ZNF804A: variants seen among roughly 807,000 people sequenced by gnomAD.
ZNF804A encodes the protein zinc finger protein 804A.
In ZNF804A, 2 loss-of-function variants were observed where a neutral mutation model predicts 16.5. That is an observed-to-expected ratio of 0.12 (90% confidence interval 0.05 to 0.38). ZNF804A has a LOEUF of 0.38. Ranked by LOEUF, ZNF804A falls within the 10% of genes least tolerant of loss-of-function variation. ZNF804A has a pLI of 0.99. For missense variants in ZNF804A, 1,473 were observed against 1,390.7 expected (o/e 1.06, Z -0.94); for synonymous variants, 534 against 489.6 (o/e 1.09, Z -1.20).
chr2:184,658,320 A>T (rs1692114638), intron 1 of ZNF804A, among the ~76,000 whole-genome samples: 4 of 152,106 alleles, frequency 2.6e-5, no homozygotes, highest in Admixed American at 2.6e-4. Context: ...TACTAAAAAT[A>T]CAAAAATTAG....
chr2:184,665,895 C>T (rs1027864803), intron 1 of ZNF804A, among the ~76,000 whole-genome samples: 4 of 152,182 alleles, frequency 2.6e-5, no homozygotes, highest in African/African-American at 7.2e-5. Flanking sequence ...CTATCACATC[C>T]CTCTGGATTC....
At chr2:184,670,972 TG>T (rs1692331149) in intron 1 of ZNF804A, among the ~76,000 whole-genome samples, 1 of 152,156 alleles carries the variant, frequency 6.6e-6, no homozygotes, top group South Asian at 2.1e-4. Context: ...AGCATCTACC[TG>T]GGGCTTCTTT....
rs182302779 is a variant in ZNF804A, at chr2:184,921,318, A to G, written c.256-12285A>G. ...TCTCAAAGCAGTTGAATATTATCAA[A>G]ATATTAGGTGAGTTTTTTTTTACCT... is the stretch of plus-strand genomic sequence containing the variant. On this transcript the variant is annotated intron_variant, in intron 2 of 3. Transcript: ENST00000302277. 1.8e-4 allele frequency among the ~76,000 whole-genome samples: 28 copies of G among 152,292 alleles called. No homozygotes were observed. The East Asian group carries it at 3.3e-3, about 18-fold the overall frequency.
chr2:184,702,778 A>G (rs1230743100), intron 1 of ZNF804A, among the ~76,000 whole-genome samples: 1 of 152,134 alleles, frequency 6.6e-6, no homozygotes, highest in Non-Finnish European at 1.5e-5. Context: ...ATTATGTGAC[A>G]TTTTTTATGG....
intron 1 of ZNF804A, among the ~76,000 whole-genome samples, chr2:184,851,829 A>G (rs1320767937): frequency 6.6e-6 from 1 of 151,726 alleles, no homozygotes; most frequent in Non-Finnish European, 1.5e-5. Flanking sequence ...CCATTTCTCT[A>G]CATACTTGTC....
intron 1 of ZNF804A, among the ~76,000 whole-genome samples, chr2:184,850,727 T>G (rs967632200): frequency 1.3e-5 from 2 of 151,834 alleles, no homozygotes; most frequent in Admixed American, 1.3e-4. Context: ...GAGAGTGATT[T>G]TCCAAAGCAT....
chr2:184,869,230 T>G (rs905991330), intron 2 of ZNF804A, among the ~76,000 whole-genome samples: 1 of 151,962 alleles, frequency 6.6e-6, no homozygotes, highest in African/African-American at 2.4e-5. Context: ...GCCTTCAAAT[T>G]CCTAAAAGCA....
chr2:184,752,795 A>G (rs1259894067), intron 1 of ZNF804A, among the ~76,000 whole-genome samples: 1 of 151,702 alleles, frequency 6.6e-6, no homozygotes, highest in Non-Finnish European at 1.5e-5. Context: ...CAATTAAAAA[A>G]TAGGAAAAGG....
chr2:184,772,609 T>C (rs986364125), intron 1 of ZNF804A, among the ~76,000 whole-genome samples: 12 of 151,858 alleles, frequency 7.9e-5, no homozygotes, highest in African/African-American at 2.4e-4. Flanking sequence ...TGTGTGGATA[T>C]ACATTTTGAA....
In ZNF804A at chr2:184,672,670, C is replaced by CT. The variant is rs568933187; in HGVS notation, c.111+73611dup. On this transcript the variant is annotated intron_variant, in intron 1 of 3. Coordinates refer to ENST00000302277, the MANE Select transcript of ZNF804A (RefSeq NM_194250.2). Reference sequence around the variant, plus strand: ...AGTAGTTTTGTGAGAACAAGAATGACTTTTTTTTTTTAGTGACACAGAAGG... The same window carrying CT: ...AGTAGTTTTGTGAGAACAAGAATGACTTTTTTTTTTTTAGTGACACAGAAGG... 7.2e-3 allele frequency among the ~76,000 whole-genome samples: 1,052 copies of CT among 146,636 alleles called. 11 individuals carry two copies. The highest frequency in any genetic ancestry group is 0.024 in the African/African-American group (955 of 40,354).
intron 1 of ZNF804A, among the ~76,000 whole-genome samples, chr2:184,790,358 T>A (rs575040643): frequency 8.6e-5 from 13 of 152,030 alleles, no homozygotes; most frequent in Non-Finnish European, 1.2e-4. Context: ...GTCTATTAGG[T>A]CCATTTTGTC....
intron 2 of ZNF804A, among the ~76,000 whole-genome samples, chr2:184,891,825 GTT>G: frequency 6.6e-6 from 1 of 152,232 alleles, no homozygotes; most frequent in East Asian, 1.9e-4. Context: ...GTCTTTCTTA[GTT>G]ATCTAAAAGC....
intron 2 of ZNF804A, among the ~76,000 whole-genome samples, chr2:184,906,489 T>TG (rs1250477089): frequency 6.6e-6 from 1 of 151,980 alleles, no homozygotes; most frequent in African/African-American, 2.4e-5. Context: ...TTTGTAGAGA[T>TG]GGGGTTTCGC....
intron 1 of ZNF804A, among the ~76,000 whole-genome samples, chr2:184,719,191 C>G (rs1378300978): frequency 2.0e-5 from 3 of 152,148 alleles, no homozygotes; most frequent in Non-Finnish European, 2.9e-5. Context: ...TGTACCTTGG[C>G]CCGTTTTAGT....
intron 1 of ZNF804A, among the ~76,000 whole-genome samples, chr2:184,689,128 A>G (rs528499459): frequency 6.6e-6 from 1 of 152,278 alleles, no homozygotes; most frequent in East Asian, 1.9e-4. Context: ...TATTCCATCA[A>G]GCTTTGAATC....
chr2:184,618,424 T>C (rs1394913883), intron 1 of ZNF804A, among the ~76,000 whole-genome samples: 1 of 152,172 alleles, frequency 6.6e-6, no homozygotes, highest in African/African-American at 2.4e-5. Flanking sequence ...ATGTTTAATG[T>C]ACATTATATA....
At chr2:184,745,048 C>G (rs535648200) in intron 1 of ZNF804A, among the ~76,000 whole-genome samples, 4 of 151,754 alleles carry the variant, frequency 2.6e-5, no homozygotes, top group Non-Finnish European at 5.9e-5. Flanking sequence ...CTTTTAAAAA[C>G]ACTGTTGCTC....
At chr2:184,933,813 C>G in intron 3 of ZNF804A, 80 bp downstream of exon 3, 1 of 1,399,252 alleles carries the variant, frequency 7.1e-7, no homozygotes, top group Non-Finnish European at 9.7e-7. Flanking sequence ...ATAAAGGGCA[C>G]AAATCTATTT....
chr2:184,935,663 G>A (rs1413822536), intron 3 of ZNF804A, 120 bp from the exon 4 acceptor site: 1 of 1,200,172 alleles, frequency 8.3e-7, no homozygotes, highest in African/African-American at 1.5e-5. Context: ...AGGCAATTCT[G>A]TCACAAAGAT....
Sources: gnomAD v4.1 joint callset for allele counts (sites outside exome capture counted in the v4.1 genomes callset) on GRCh38, gnomAD v4.1.1 for gene constraint, MANE v1.5 for transcripts, NCBI Gene and HGNC (gene_info 2026-07-23, HGNC 2026-07-21) for gene names.